Variants in INTS4 observed in about 807,000 individuals in gnomAD.
The protein encoded by INTS4 is integrator complex subunit 4.
In INTS4, 70 loss-of-function variants were observed where a neutral mutation model predicts 119.5. The ratio of observed to expected loss-of-function variants is 0.59; its 90% CI spans 0.48 to 0.71. INTS4 has a LOEUF of 0.71. Among genes scored for constraint, INTS4 ranks in the 30% least tolerant of loss-of-function variants. INTS4 has a pLI of 0.00. For synonymous variants in INTS4, 316 were observed against 419.6 expected (o/e 0.75, Z 3.02); for missense variants, 867 against 1,173.2 (o/e 0.74, Z 3.81).
At chr11:77,962,504 A>C (rs1236873973) in intron 4 of INTS4, among the ~76,000 whole-genome samples, 1 of 152,208 alleles carries the variant, frequency 6.6e-6, no homozygotes, top group Non-Finnish European at 1.5e-5. Flanking sequence ...TTTGCATAAC[A>C]TAGCAACATA....
chr11:77,941,111 C>A, intron 9 of INTS4, 69 bp downstream of exon 9: 1 of 1,573,070 alleles, frequency 6.4e-7, no homozygotes, highest in Non-Finnish European at 8.6e-7. Context: ...TAAATCAACA[C>A]AACTCAGCAT....
chr11:77,905,480 T>G (rs1591038758), intron 16 of INTS4, among the ~76,000 whole-genome samples: 1 of 150,202 alleles, frequency 6.7e-6, no homozygotes, highest in Non-Finnish European at 1.5e-5. Flanking sequence ...AAAGGCAATA[T>G]AGCAAAACGG....
chr11:77,881,646 A>G (rs1457697957), intron 22 of INTS4, among the ~76,000 whole-genome samples: 1 of 152,226 alleles, frequency 6.6e-6, no homozygotes, highest in Non-Finnish European at 1.5e-5. Context: ...CCTTGTATTC[A>G]ATTTTCATTA....
At chr11:77,958,929 A>T in intron 6 of INTS4, 95 bp from the exon 7 acceptor site, 1 of 788,360 alleles carries the variant, frequency 1.3e-6, no homozygotes, top group South Asian at 1.5e-5. Context: ...TTGGATAAGG[A>T]TGCCCAGTAA....
chr11:77,914,308 G>A (rs1953156901), intron 15 of INTS4, among the ~76,000 whole-genome samples: 1 of 152,218 alleles, frequency 6.6e-6, no homozygotes, highest in African/African-American at 2.4e-5. Context: ...CACTGCAGCT[G>A]ATCACCAAAT....
intron 4 of INTS4, among the ~76,000 whole-genome samples, chr11:77,969,361 A>G (rs1440578789): frequency 6.6e-6 from 1 of 151,854 alleles, no homozygotes; most frequent in Non-Finnish European, 1.5e-5. Flanking sequence ...AGGCGTATGT[A>G]TGTATATGTA....
At chr11:77,982,495 A>G (rs1390239482) in intron 2 of INTS4, among the ~76,000 whole-genome samples, 3 of 152,080 alleles carry the variant, frequency 2.0e-5, no homozygotes, top group Non-Finnish European at 2.9e-5. Context: ...GGCAAGTGTG[A>G]CTGTCTGAGT....
At chr11:77,961,973 T>C (rs554593172) in intron 4 of INTS4, among the ~76,000 whole-genome samples, 6 of 152,212 alleles carry the variant, frequency 3.9e-5, no homozygotes, top group African/African-American at 7.2e-5. Flanking sequence ...GTTGGATATA[T>C]ATGTAGAAGT....
intron 15 of INTS4, among the ~76,000 whole-genome samples, chr11:77,911,946 G>C (rs1591046404): frequency 6.6e-6 from 1 of 152,192 alleles, no homozygotes; most frequent in Non-Finnish European, 1.5e-5. Context: ...GACAGAGTCA[G>C]CTCTGACTCC....
intron 22 of INTS4, among the ~76,000 whole-genome samples, chr11:77,880,313 G>A (rs1195556816): frequency 6.6e-6 from 1 of 152,182 alleles, no homozygotes; most frequent in Non-Finnish European, 1.5e-5. Flanking sequence ...ATGGGTCAGA[G>A]TAGAGACTGG....
At chr11:77,962,475 A>G (rs1457624166) in intron 4 of INTS4, among the ~76,000 whole-genome samples, 1 of 152,156 alleles carries the variant, frequency 6.6e-6, no homozygotes, top group African/African-American at 2.4e-5. Context: ...CCCTAGTCCA[A>G]TGCTACTAAA....
intron 15 of INTS4, among the ~76,000 whole-genome samples, chr11:77,909,866 A>G (rs1045970713): frequency 2.0e-5 from 3 of 152,242 alleles, no homozygotes; most frequent in East Asian, 1.9e-4. Context: ...TGGCCATCAG[A>G]GAAATGCAAA....
At chr11:77,957,663 C>CTTTTT (rs1159914263) in intron 7 of INTS4, among the ~76,000 whole-genome samples, 22 of 110,700 alleles carry the variant, frequency 2.0e-4, no homozygotes, top group African/African-American at 4.1e-4. Flanking sequence ...AACTGAACTT[C>CTTTTT]TTTTTTTTTT....
intron 4 of INTS4, among the ~76,000 whole-genome samples, chr11:77,966,024 T>C (rs1855490467): frequency 1.3e-5 from 2 of 152,210 alleles, no homozygotes; most frequent in South Asian, 4.1e-4. Flanking sequence ...CTAATAGATG[T>C]GAGGTGACAT....
At chr11:77,882,087 T>C (rs924785528) in intron 22 of INTS4, among the ~76,000 whole-genome samples, 2 of 152,098 alleles carry the variant, frequency 1.3e-5, no homozygotes, top group Admixed American at 1.3e-4. Flanking sequence ...AACTTTTTTA[T>C]ATATCTATTG....
At chr11:77,877,113 A>G (rs527473048), downstream of INTS4, 41 of 689,494 alleles carry the variant, frequency 5.9e-5, no homozygotes, top group South Asian at 5.5e-4. Context: ...CCTCTTTCGC[A>G]CTCATGACCT....
At chr11:77,908,807 A>G (rs1325344451) in intron 15 of INTS4, among the ~76,000 whole-genome samples, 1 of 151,816 alleles carries the variant, frequency 6.6e-6, no homozygotes, top group Admixed American at 6.6e-5. Flanking sequence ...TAAGACAATG[A>G]ACAAGTATTT....
chr11:77,894,767 T>C (rs188343726), intron 18 of INTS4, among the ~76,000 whole-genome samples: 350 of 152,310 alleles, frequency 2.3e-3, no homozygotes, highest in Non-Finnish European at 3.4e-3. Flanking sequence ...GCTGTCAGCA[T>C]TGGGATGAAA....
intron 7 of INTS4, among the ~76,000 whole-genome samples, chr11:77,958,403 T>C (rs1954383819): frequency 6.6e-6 from 1 of 152,232 alleles, no homozygotes; most frequent in African/African-American, 2.4e-5. Flanking sequence ...TTATCTGGCA[T>C]TTGGCACAAG....
Sources: allele counts gnomAD v4.1 joint callset (sites outside exome capture counted in the v4.1 genomes callset), GRCh38; gene constraint gnomAD v4.1.1; transcripts MANE v1.5; gene names NCBI Gene and HGNC (gene_info 2026-07-23, HGNC 2026-07-21).